RPA1: variants seen among roughly 807,000 people sequenced by gnomAD.
RPA1 encodes the protein replication protein A1.
In RPA1, 49 loss-of-function variants were observed where a neutral mutation model predicts 83.0. The observed-to-expected ratio is 0.59, with a 90% CI of 0.47 to 0.75. The LOEUF is 0.75. Ranked by LOEUF, RPA1 falls within the 30% of genes least tolerant of loss-of-function variation. The pLI is 0.00. For missense variants in RPA1, 693 were observed against 776.1 expected (o/e 0.89, Z 1.27); for synonymous variants, 279 against 281.8 (o/e 0.99, Z 0.10).
chr17:1,888,646 G>A (rs558045044), intron 13 of RPA1, 29 bp from the exon 14 acceptor site: 48 of 1,590,386 alleles, frequency 3.0e-5, no homozygotes, highest in South Asian at 1.9e-4. Flanking sequence ...TCGCGACTCC[G>A]TGCCTCATGC....
At chr17:1,879,447 C>A (rs769704661) in intron 10 of RPA1, 40 bp downstream of exon 10, 25 of 1,610,936 alleles carry the variant, frequency 1.6e-5, no homozygotes, top group Non-Finnish European at 2.1e-5. Flanking sequence ...GGATGACTAG[C>A]TTTCTTTGCA....
chr17:1,839,967 AT>A (rs1288904826), intron 1 of RPA1, among the ~76,000 whole-genome samples: 2 of 150,312 alleles, frequency 1.3e-5, no homozygotes, highest in Non-Finnish European at 3.0e-5. Context: ...TACTTTTTGT[AT>A]TTTTTGTAGA....
At chr17:1,862,600 G>A (rs1009249371) in intron 5 of RPA1, among the ~76,000 whole-genome samples, 2 of 150,532 alleles carry the variant, frequency 1.3e-5, no homozygotes, top group Non-Finnish European at 3.0e-5. Flanking sequence ...TGTATTTTTA[G>A]TAGAGATGGG....
chr17:1,889,335 A>T (rs28572098), intron 14 of RPA1, among the ~76,000 whole-genome samples: 2,426 of 146,972 alleles, frequency 0.017, 42 homozygotes, highest in South Asian at 0.087. Context: ...GTTTAAAAAA[A>T]TTTTTTTTTT....
chr17:1,863,670 A>G (rs1913071582), intron 5 of RPA1, among the ~76,000 whole-genome samples: 1 of 152,256 alleles, frequency 6.6e-6, no homozygotes, highest in African/African-American at 2.4e-5. Context: ...CAAAATTTAA[A>G]TGGCCAGTCA....
chr17:1,855,818 ATT>A (rs34758675), intron 5 of RPA1, among the ~76,000 whole-genome samples: 1 of 146,848 alleles, frequency 6.8e-6, no homozygotes. Flanking sequence ...TCTGGGCCTG[ATT>A]TTTTTTTTTT....
chr17:1,830,534 C>G (rs12601565), intron 1 of RPA1: 2 of 175,798 alleles, frequency 1.1e-5, no homozygotes, highest in Admixed American at 6.3e-5. Flanking sequence ...AAAACCCTGG[C>G]TGAAGGTACC....
chr17:1,891,626 G>A (rs1185143726), intron 14 of RPA1: 2 of 336,172 alleles, frequency 5.9e-6, no homozygotes, highest in African/African-American at 4.2e-5. Flanking sequence ...CACCATGTTG[G>A]CCAGGCTGGT....
chr17:1,831,959 CCACT>C (rs1359177616), intron 1 of RPA1, among the ~76,000 whole-genome samples: 3 of 132,090 alleles, frequency 2.3e-5, no homozygotes, highest in Non-Finnish European at 4.8e-5. Context: ...CCATACCCCC[CCACT>C]ACCGCCCCAG....
intron 4 of RPA1, among the ~76,000 whole-genome samples, chr17:1,847,279 A>G (rs1912298201): frequency 6.6e-6 from 1 of 152,078 alleles, no homozygotes; most frequent in South Asian, 2.1e-4. Context: ...GGGACCTTTT[A>G]TCTTCCACTC....
intron 15 of RPA1, among the ~76,000 whole-genome samples, chr17:1,892,150 G>A (rs1232931942): frequency 1.3e-5 from 2 of 151,996 alleles, no homozygotes; most frequent in Non-Finnish European, 2.9e-5. Context: ...GGGATGACAG[G>A]CACCCGCCAC....
rs1911463219 is a variant in RPA1, at chr17:1,830,035, C to G, written c.-59C>G. The G allele has an allele frequency of 2.4e-6, 3 of 1,244,888 alleles. No individual in the cohort carries two copies. Among genetic ancestry groups the G allele is most frequent in the Non-Finnish European group, 3.0e-6 (3 of 984,920 alleles). 77.1% of individuals were successfully genotyped at this position (1,244,888 alleles called of 1,614,324 possible). On this transcript the variant is annotated 5_prime_UTR_variant, in exon 1 of 17. Transcript: ENST00000254719. ...GCCAATAACTGCGCAGCGCGCGGGACCCGGGTGGGGAAGCTGGAGCTGTTG... is the reference window on the plus strand; with the variant it reads ...GCCAATAACTGCGCAGCGCGCGGGAGCCGGGTGGGGAAGCTGGAGCTGTTG...
Position 1,891,883 on chromosome 17 carries a change from G to A in RPA1, c.1602G>A (p.Glu534=). The A allele has an allele frequency of 6.2e-7, 1 of 1,608,110 alleles. No individual in the cohort carries two copies. Among genetic ancestry groups the A allele is most frequent in the Non-Finnish European group, 8.5e-7 (1 of 1,175,266 alleles). ...ATCAGTGGGTGACTTGTTTCCAGGA[G>A]TCTGCTGAAGCTATCCTTGGACAAA... ...QENQWVTCFQ[E]SAEAILGQNA... The change falls in exon 15 of 17, where the codon GAG becomes GAA. Residue 534 remains glutamate, a synonymous_variant. Transcript: ENST00000254719.
Position 1,879,648 on chromosome 17 carries a change from C to T in RPA1, c.1041C>T (p.Tyr347=). The T allele has an allele frequency of 6.2e-7, 1 of 1,614,236 alleles. No individual in the cohort carries two copies. Among genetic ancestry groups the T allele is most frequent in the Non-Finnish European group, 8.5e-7 (1 of 1,180,038 alleles). Residue 347 remains tyrosine (Y), a synonymous_variant, in exon 11 of 17, where the codon TAC becomes TAT. Coordinates refer to ENST00000254719, the MANE Select transcript of RPA1 (RefSeq NM_002945.5). The part of the protein sequence containing the change: ...NNREVAKRNI[Y]LMDTSGKVVT... The stretch of plus-strand genomic sequence containing the variant: ...GAGAAGTTGCCAAGAGGAATATCTA[C>T]TTGATGGACACATCCGGGAAGGTGG...
chr17:1,859,318 C>T (rs1459948850), intron 5 of RPA1, among the ~76,000 whole-genome samples: 3 of 152,092 alleles, frequency 2.0e-5, no homozygotes, highest in Admixed American at 6.6e-5. Context: ...TAGGTCGAGT[C>T]GGTAAATTGT....
intron 4 of RPA1, among the ~76,000 whole-genome samples, chr17:1,849,327 C>G (rs950079852): frequency 3.0e-5 from 4 of 134,382 alleles, no homozygotes; most frequent in Non-Finnish European, 4.6e-5. Context: ...GAGTCTCGCT[C>G]TGTCTCTCAG....
In RPA1 at chr17:1,875,653, T is replaced by C; in HGVS notation, c.455-8T>C. 1.9e-6 allele frequency: 3 copies of C among 1,607,392 alleles called. No homozygotes were observed. The highest frequency in any genetic ancestry group is 2.5e-6 in the Non-Finnish European group (3 of 1,177,780). On this transcript the variant is annotated splice_region_variant and splice_polypyrimidine_tract_variant and intron_variant, in intron 6 of 16. Coordinates refer to ENST00000254719, the MANE Select transcript of RPA1 (RefSeq NM_002945.5). Reference sequence around the variant, plus strand: ...ATAACTCCTTTTCGTTTGCGTTTGTTTTTAAAGGTTCTACTGTTTCTAAGG... The same window carrying C: ...ATAACTCCTTTTCGTTTGCGTTTGTCTTTAAAGGTTCTACTGTTTCTAAGG...
In RPA1 at chr17:1,883,929, G is replaced by C; in HGVS notation, c.1359G>C (p.Leu453=). The part of the protein sequence containing the change: ...KTLYEVKSEN[L]GQGDKPDYFS... ...TGTATGAGGTCAAATCCGAGAACCT[G>C]GGCCAAGGCGACAAGGTACCCAGCA... is the stretch of plus-strand genomic sequence containing the variant. The change falls in exon 13 of 17, where the codon CTG becomes CTC. Residue 453 remains leucine, a synonymous_variant. Transcript: ENST00000254719. 1.2e-6 allele frequency: 2 copies of C among 1,613,922 alleles called. No individual in the cohort carries two copies. Among genetic ancestry groups the C allele is most frequent in the African/African-American group, 1.3e-5 (1 of 75,014 alleles).
intron 5 of RPA1, among the ~76,000 whole-genome samples, chr17:1,856,130 C>T (rs944155844): frequency 9.2e-5 from 14 of 152,012 alleles, no homozygotes; most frequent in African/African-American, 3.4e-4. Context: ...TCAAGACCAG[C>T]CTGCGCAACA....
Sources: gnomAD v4.1 joint callset for allele counts (sites outside exome capture counted in the v4.1 genomes callset) on GRCh38, gnomAD v4.1.1 for gene constraint, MANE v1.5 for transcripts, NCBI Gene and HGNC (gene_info 2026-07-23, HGNC 2026-07-21) for gene names.